ATP13A4: variants seen among roughly 807,000 people sequenced by gnomAD.
ATP13A4 encodes the protein ATPase 13A4, also known as probable cation-transporting ATPase 13A4.
In ATP13A4, 114 loss-of-function variants were observed where a neutral mutation model predicts 142.5. That is an observed-to-expected ratio of 0.80 (90% CI 0.69 to 0.93). The LOEUF (loss-of-function observed/expected upper bound fraction) is 0.93, where lower values mean the gene tolerates loss of function less well. Ranked by LOEUF, ATP13A4 falls within the 40% of genes least tolerant of loss-of-function variation. The probability of loss-of-function intolerance (pLI) is 0.00; values close to 1 mark genes in which losing one functional copy is unlikely to be tolerated. For missense variants in ATP13A4, 1,392 were observed against 1,454.0 expected, an observed-to-expected ratio of 0.96 and a Z score of 0.69; for synonymous variants, 488 against 514.8, an observed-to-expected ratio of 0.95 and a Z score of 0.70.
chr3:193,517,647 ATT>A (rs540931143), intron 1 of ATP13A4, among the ~76,000 whole-genome samples: 18 of 151,626 alleles, frequency 1.2e-4, no homozygotes, highest in South Asian at 6.3e-4. Flanking sequence ...CGCCCGGCTA[ATT>A]TTTTTTGTAT....
chr3:193,553,046 T>C (rs1723671195), intron 1 of ATP13A4, among the ~76,000 whole-genome samples: 4 of 152,198 alleles, frequency 2.6e-5, no homozygotes, highest in Admixed American at 2.6e-4. Flanking sequence ...CAGGTTTCTG[T>C]AGGCAGAAGA....
intron 9 of ATP13A4, among the ~76,000 whole-genome samples, 174 bp downstream of exon 9, chr3:193,470,685 A>C (rs772670182): frequency 1.3e-5 from 2 of 152,204 alleles, no homozygotes; most frequent in Non-Finnish European, 2.9e-5. Context: ...TTGAACCCTC[A>C]GATCCATTCG....
At chr3:193,437,129 C>T (rs1716333258) in intron 23 of ATP13A4, among the ~76,000 whole-genome samples, 1 of 150,516 alleles carries the variant, frequency 6.6e-6, no homozygotes, top group Non-Finnish European at 1.5e-5. Context: ...AAAACCTGAT[C>T]CTCAAACCAG....
Position 193,502,903 on chromosome 3 carries a change from A to G in ATP13A4, c.235-264T>C, listed in dbSNP as rs75977987. Among the ~76,000 whole-genome samples the G allele has an allele frequency of 4.9e-4, 74 of 152,284 alleles. No homozygotes were observed. In the East Asian group the frequency reaches 0.014, roughly 29 times the overall value. ...GAATCAGGAGGCTCATTCGCAGGTAAGAACTAGTTCACTGCATCACCTTTC... is the reference window on the plus strand; with the variant it reads ...GAATCAGGAGGCTCATTCGCAGGTAGGAACTAGTTCACTGCATCACCTTTC... On this transcript the variant is annotated intron_variant, in intron 2 of 29. Coordinates refer to ENST00000342695, the MANE Select transcript of ATP13A4 (RefSeq NM_032279.4).
At chr3:193,433,709 G>A (rs1716101895) in intron 25 of ATP13A4, 136 bp downstream of exon 25, 1 of 700,092 alleles carries the variant, frequency 1.4e-6, no homozygotes, top group South Asian at 1.6e-5. Context: ...TCCTCTCTGT[G>A]TATATATTTG....
At chr3:193,576,247 A>ATTTTTT (rs1560288260) in intron 2 of ATP13A4, among the ~76,000 whole-genome samples, 1 of 107,332 alleles carries the variant, frequency 9.3e-6, no homozygotes, top group East Asian at 2.7e-4. Flanking sequence ...GCTTGAATCA[A>ATTTTTT]TCTTTTTTTT....
At position 193,521,753 on chromosome 3, in the gene ATP13A4, C is replaced by T. The variant is rs79450134; in HGVS notation, c.61-6882G>A. Reference sequence around the variant, plus strand: ...ATCGAGACCAGCCTGGTCCACATGGCGAAACCCCATCTCTATTAAAAATAC... The same window carrying T: ...ATCGAGACCAGCCTGGTCCACATGGTGAAACCCCATCTCTATTAAAAATAC... On this transcript the variant is annotated intron_variant, in intron 1 of 29. Coordinates refer to ENST00000342695, the MANE Select transcript of ATP13A4 (RefSeq NM_032279.4). Among the ~76,000 whole-genome samples, 828 of 152,016 alleles carry T rather than the reference C, an allele frequency of 5.4e-3. 13 individuals are homozygous for T. In the East Asian group the frequency reaches 0.069, roughly 13 times the overall value.
At chr3:193,541,269 A>AAAAAAAAG (rs1722904166) in intron 1 of ATP13A4, among the ~76,000 whole-genome samples, 1 of 149,230 alleles carries the variant, frequency 6.7e-6, no homozygotes, top group African/African-American at 2.5e-5. Context: ...AAAAAAAAAA[A>AAAAAAAAG]ATCAGAACAA....
intron 1 of ATP13A4, among the ~76,000 whole-genome samples, chr3:193,546,949 TA>T (rs894569940): frequency 2.2e-4 from 33 of 152,338 alleles, no homozygotes; most frequent in Admixed American, 7.8e-4. Flanking sequence ...ACCATATAAG[TA>T]TTTGCTCTTA....
chr3:193,487,796 T>C (rs1401730097), intron 7 of ATP13A4, among the ~76,000 whole-genome samples: 1 of 152,204 alleles, frequency 6.6e-6, no homozygotes, highest in African/African-American at 2.4e-5. Flanking sequence ...TATATGTATA[T>C]ATAGATGCAT....
intron 28 of ATP13A4, 87 bp downstream of exon 28, chr3:193,410,895 C>A: frequency 1.1e-6 from 1 of 877,550 alleles, no homozygotes; most frequent in Non-Finnish European, 1.9e-6. Context: ...TGTCAAAAAT[C>A]ATGTCAATTG....
At chr3:193,573,419 T>C (rs1432861593) in intron 2 of ATP13A4, among the ~76,000 whole-genome samples, 2 of 150,848 alleles carry the variant, frequency 1.3e-5, no homozygotes, top group African/African-American at 4.9e-5. Flanking sequence ...CTTCACCATC[T>C]GGTGACAAAT....
At chr3:193,565,814 T>C (rs953387898) in intron 2 of ATP13A4, among the ~76,000 whole-genome samples, 1 of 152,242 alleles carries the variant, frequency 6.6e-6, no homozygotes, top group African/African-American at 2.4e-5. Flanking sequence ...GTGAGAAACA[T>C]ATTCATTTCC....
At chr3:193,476,656 C>T (rs1187824558) in intron 8 of ATP13A4, among the ~76,000 whole-genome samples, 2 of 152,056 alleles carry the variant, frequency 1.3e-5, no homozygotes, top group Non-Finnish European at 2.9e-5. Flanking sequence ...TCTAGCTTTA[C>T]TTGAAAATCA....
At chr3:193,465,988 T>C in intron 11 of ATP13A4, 37 bp downstream of exon 11, 2 of 1,607,590 alleles carry the variant, frequency 1.2e-6, no homozygotes, top group Non-Finnish European at 1.7e-6. Flanking sequence ...CAGAGATGAG[T>C]GTGTGTGCAT....
At chr3:193,475,924 A>T (rs1275398499) in intron 8 of ATP13A4, among the ~76,000 whole-genome samples, 1 of 152,038 alleles carries the variant, frequency 6.6e-6, no homozygotes, top group African/African-American at 2.4e-5. Context: ...GTTATTATAT[A>T]CAATGGGATA....
intron 25 of ATP13A4, among the ~76,000 whole-genome samples, chr3:193,432,151 T>C (rs915050983): frequency 1.3e-5 from 2 of 151,976 alleles, no homozygotes; most frequent in African/African-American, 4.8e-5. Context: ...AGAAATAGAT[T>C]ATTAGACGAA....
chr3:193,556,093 C>T (rs770045827), upstream of ATP13A4, among the ~76,000 whole-genome samples: 1 of 152,180 alleles, frequency 6.6e-6, no homozygotes, highest in East Asian at 1.9e-4. Flanking sequence ...TTGGACTGTA[C>T]TAGGTGGTCG....
At chr3:193,504,198 T>C (rs1720728713) in intron 2 of ATP13A4, among the ~76,000 whole-genome samples, 1 of 152,118 alleles carries the variant, frequency 6.6e-6, no homozygotes, top group African/African-American at 2.4e-5. Context: ...TCAAATCAAA[T>C]TGTATGGAGT....
Sources: gnomAD v4.1 joint callset for allele counts (sites outside exome capture counted in the v4.1 genomes callset) on GRCh38, gnomAD v4.1.1 for gene constraint, MANE v1.5 for transcripts, NCBI Gene and HGNC (gene_info 2026-07-23, HGNC 2026-07-21) for gene names.